Variants in MANSC4 observed in about 807,000 individuals in gnomAD.
MANSC4 encodes MANSC domain-containing protein 4.
MANSC4 carries 11 observed loss-of-function variants against 11.4 expected under a neutral mutation model. That is an observed-to-expected ratio of 0.97 (90% CI 0.61 to 1.60). MANSC4 has a LOEUF of 1.60. MANSC4 is among the 40% of genes most tolerant of loss of function. MANSC4 has a pLI of 0.00. For synonymous variants in MANSC4, 123 were observed against 147.1 expected, an observed-to-expected ratio of 0.84 and a Z score of 1.19; for missense variants, 354 against 404.6, an observed-to-expected ratio of 0.88 and a Z score of 1.07.
chr12:27,777,382 G>A (rs185357233), intron 1 of MANSC4, among the ~76,000 whole-genome samples: 110 of 152,284 alleles, frequency 7.2e-4, no homozygotes, highest in Admixed American at 9.8e-4. Context: ...GCCGGTTGAG[G>A]CATAGAAAAA....
intron 2 of MANSC4, among the ~76,000 whole-genome samples, chr12:27,770,340 C>A (rs2062095252): frequency 6.6e-6 from 1 of 152,264 alleles, no homozygotes; most frequent in East Asian, 1.9e-4. Flanking sequence ...GCCACCACCC[C>A]TGGCTAATTT....
chr12:27,769,571 G>A (rs1364777498), intron 2 of MANSC4, among the ~76,000 whole-genome samples: 1 of 152,190 alleles, frequency 6.6e-6, no homozygotes, highest in Non-Finnish European at 1.5e-5. Flanking sequence ...CTGCCCCTCC[G>A]CTATCTCCCC....
chr12:27,780,199 GC>G lies in MANSC4; in HGVS notation c.-307+10del. On this transcript the variant is annotated intron_variant, in intron 1 of 3. Coordinates refer to ENST00000381273, the MANE Select transcript of MANSC4 (RefSeq NM_001146221.5). This position sits in a 1 kb window ranked among gnomAD's most constrained non-coding sequence, Gnocchi z 8.8. ...CGCCGGAGAGGCCGGGCGAGCGCGG[GC>G]GGCCCTCACCTCGCCGCTCCTCCCG... 1.5e-6 allele frequency: 1 copy of G among 657,744 alleles called. No individual in the cohort carries two copies. Among genetic ancestry groups the G allele is most frequent in the Non-Finnish European group, 2.1e-6 (1 of 476,490 alleles). The allele number at this position is 657,744 out of a possible 1,614,324, so 40.7% of individuals were successfully genotyped here. A position where few individuals can be genotyped will look rare whatever the true frequency, so the allele number is the denominator to read the frequency against.
At chr12:27,765,494 A>G (rs537181086) in intron 3 of MANSC4, among the ~76,000 whole-genome samples, 1 of 152,310 alleles carries the variant, frequency 6.6e-6, no homozygotes, top group African/African-American at 2.4e-5. Context: ...TATTGTGGCC[A>G]GATCTGTTTG....
At chr12:27,777,405 G>A (rs1429061610) in intron 1 of MANSC4, among the ~76,000 whole-genome samples, 2 of 152,290 alleles carry the variant, frequency 1.3e-5, no homozygotes, top group Non-Finnish European at 1.5e-5. Flanking sequence ...GTAGGTCCAA[G>A]TCTCTTTGAT....
chr12:27,772,911 G>A (rs1171581883), intron 1 of MANSC4, among the ~76,000 whole-genome samples: 1 of 152,196 alleles, frequency 6.6e-6, no homozygotes, highest in Non-Finnish European at 1.5e-5. Context: ...GTCATATTAA[G>A]TATAGGTTCT....
chr12:27,777,857 G>A (rs1240301941), intron 1 of MANSC4, among the ~76,000 whole-genome samples: 1 of 152,072 alleles, frequency 6.6e-6, no homozygotes, highest in African/African-American at 2.4e-5. Context: ...TGGGGTGGCA[G>A]GATCCCTTGG....
At chr12:27,765,081 C>T (rs927635527) in intron 3 of MANSC4, among the ~76,000 whole-genome samples, 3 of 152,184 alleles carry the variant, frequency 2.0e-5, no homozygotes, top group Admixed American at 2.0e-4. Context: ...AAGTGATCCT[C>T]CTGCCTCAGC....
chr12:27,766,653 T>A lies in MANSC4; in HGVS notation c.364+12A>T, dbSNP rs370183865. The A allele has an allele frequency of 5.6e-4, 861 of 1,549,204 alleles. 1 individual carries two copies. The highest frequency in any genetic ancestry group is 7.3e-4 in the Non-Finnish European group (832 of 1,146,340). On this transcript the variant is annotated intron_variant, in intron 3 of 3. Transcript: ENST00000381273. The stretch of plus-strand genomic sequence containing the variant: ...AGCATTCTTTTAAAGTCTTGAAATA[T>A]GTAATCATTACCGTCTGTTATGTTG...
intron 2 of MANSC4, among the ~76,000 whole-genome samples, chr12:27,770,725 A>AT (rs907613230): frequency 1.3e-5 from 2 of 152,184 alleles, no homozygotes; most frequent in African/African-American, 4.8e-5. Context: ...AATCATGTAT[A>AT]TTTTGAGCTG....
chr12:27,778,578 C>A (rs11049144), intron 1 of MANSC4, among the ~76,000 whole-genome samples: 23,117 of 150,802 alleles, frequency 0.15, 2,282 homozygotes, highest in Non-Finnish European at 0.23. Context: ...AAAAAAAAAC[C>A]AAACACATAT....
intron 2 of MANSC4, among the ~76,000 whole-genome samples, chr12:27,767,408 C>A (rs2062076927): frequency 6.6e-6 from 1 of 152,094 alleles, no homozygotes; most frequent in Admixed American, 6.6e-5. Context: ...AGATTAGCTA[C>A]AAAAACCTCT....
chr12:27,777,215 A>AT (rs1236522861), intron 1 of MANSC4, among the ~76,000 whole-genome samples: 2 of 152,144 alleles, frequency 1.3e-5, no homozygotes, highest in East Asian at 1.9e-4. Context: ...TTTGAGCATG[A>AT]TTTTTTTGGT....
At chr12:27,764,134 T>C (rs1004640400) in intron 3 of MANSC4, among the ~76,000 whole-genome samples, 1 of 152,220 alleles carries the variant, frequency 6.6e-6, no homozygotes, top group African/African-American at 2.4e-5. Flanking sequence ...TTTCGACCTC[T>C]GAGGGTCTTG....
rs544761790 is a variant in MANSC4 at position 27,776,991 on chromosome 12, C to A, written c.-307+3219G>T. The stretch of plus-strand genomic sequence containing the variant: ...TATTGCTCTGACTTTGCATTTCTAG[C>A]TTAACAGAAAACTTACTGCATAATT... On this transcript the variant is annotated intron_variant, in intron 1 of 3. Transcript: ENST00000381273. 2.7e-3 allele frequency among the ~76,000 whole-genome samples: 418 copies of A among 152,202 alleles called. 3 individuals are homozygous for A. Among genetic ancestry groups the A allele is most frequent in the African/African-American group, 9.8e-3 (406 of 41,536 alleles).
chr12:27,762,602 T>G lies in MANSC4; in HGVS notation c.*136A>C. ...CTGGGCTCAAGCAAATCTACTGCCT[T>G]GGCTTCCCAAAGTTTTGGGATTACA... On this transcript the variant is annotated 3_prime_UTR_variant, in exon 4 of 4. Coordinates refer to ENST00000381273, the MANE Select transcript of MANSC4 (RefSeq NM_001146221.5). 1 of 803,504 alleles carries G rather than the reference T, an allele frequency of 1.2e-6. No homozygotes were observed. The highest frequency in any genetic ancestry group is 2.1e-5 in the South Asian group (1 of 47,346). The allele number at this position is 803,504 out of a possible 1,614,324, so 49.8% of individuals were successfully genotyped here.
chr12:27,766,213 G>A (rs2062071667), intron 3 of MANSC4, among the ~76,000 whole-genome samples: 2 of 151,998 alleles, frequency 1.3e-5, no homozygotes, highest in Non-Finnish European at 2.9e-5. Flanking sequence ...GACTACAGGT[G>A]TGCGCCACCA....
intron 1 of MANSC4, among the ~76,000 whole-genome samples, chr12:27,778,847 T>C (rs915284385): frequency 2.6e-5 from 4 of 152,194 alleles, no homozygotes; most frequent in African/African-American, 7.2e-5. Flanking sequence ...ATTGCAATGT[T>C]CAGTGAGAGA....
Position 27,766,716 on chromosome 12 carries a change from T to C in MANSC4, c.313A>G (p.Ser105Gly). Residue 105 changes from serine to glycine, a missense_variant, in exon 3 of 4, where the codon AGC (serine) becomes GGC (glycine). Transcript: ENST00000381273. ...CTGGTTCCAGGCTCTAATATGCAGCTCTCCAGTGTTGGGCAGTGAACATGG... is the reference window on the plus strand; with the variant it reads ...CTGGTTCCAGGCTCTAATATGCAGCCCTCCAGTGTTGGGCAGTGAACATGG... ...CLHVHCPTLE[S>G]CILEPGTSAI... 6.4e-7 allele frequency: 1 copy of C among 1,551,678 alleles called. No homozygotes were observed. Among genetic ancestry groups the C allele is most frequent in the South Asian group, 1.2e-5 (1 of 84,060 alleles).
Sources: gnomAD v4.1 joint callset for allele counts (sites outside exome capture counted in the v4.1 genomes callset) on GRCh38, gnomAD v4.1.1 for gene constraint, Gnocchi (gnomAD v3.1) non-coding constraint, MANE v1.5 for transcripts, NCBI Gene and HGNC (gene_info 2026-07-23, HGNC 2026-07-21) for gene names.